KIAA0825: variants seen among roughly 807,000 people sequenced by gnomAD.
KIAA0825 encodes KIAA0825.
In KIAA0825, 119 loss-of-function variants were observed where a neutral mutation model predicts 147.6. The observed-to-expected ratio is 0.81, with a 90% CI of 0.69 to 0.94. The LOEUF (loss-of-function observed/expected upper bound fraction) is 0.94, where lower values mean the gene tolerates loss of function less well. KIAA0825 is among the 40% of genes least tolerant of loss of function. KIAA0825 has a pLI of 0.00. For synonymous variants in KIAA0825, 470 were observed against 518.1 expected (o/e 0.91, Z 1.26); for missense variants, 1,381 against 1,472.7 (o/e 0.94, Z 1.02).
At chr5:94,248,314 T>C in intron 20 of KIAA0825, among the ~76,000 whole-genome samples, 1 of 152,146 alleles carries the variant, frequency 6.6e-6, no homozygotes, top group Non-Finnish European at 1.5e-5. Context: ...AATCTCCTCT[T>C]TGTCCTGATC....
chr5:94,615,688 A>C (rs537923488), intron 1 of KIAA0825: 7 of 152,192 alleles, frequency 4.6e-5, no homozygotes, highest in Admixed American at 2.0e-4. Flanking sequence ...ATGAGTGTGG[A>C]GTGGACACTG....
At chr5:94,509,699 C>G (rs1766212551) in intron 5 of KIAA0825, among the ~76,000 whole-genome samples, 1 of 152,152 alleles carries the variant, frequency 6.6e-6, no homozygotes, top group South Asian at 2.1e-4. Flanking sequence ...TCCATAAGTT[C>G]AAGCAAAGAT....
chr5:94,378,785 T>C (rs1349597374), intron 20 of KIAA0825, among the ~76,000 whole-genome samples: 2 of 152,196 alleles, frequency 1.3e-5, no homozygotes, highest in African/African-American at 4.8e-5. Flanking sequence ...TGACTTTTTA[T>C]TAGTAGCCAT....
intron 12 of KIAA0825, among the ~76,000 whole-genome samples, chr5:94,456,969 T>C (rs1027802155): frequency 2.6e-5 from 4 of 152,310 alleles, no homozygotes; most frequent in South Asian, 4.1e-4. Flanking sequence ...CCATTGGCAA[T>C]ATGGTATTTA....
chr5:94,552,366 A>T (rs2152261462), intron 2 of KIAA0825, among the ~76,000 whole-genome samples: 1 of 152,310 alleles, frequency 6.6e-6, no homozygotes, highest in East Asian at 1.9e-4. Context: ...TCATCTAGAC[A>T]GAAAATCAAC....
chr5:94,286,368 C>G (rs1777664697), intron 20 of KIAA0825, among the ~76,000 whole-genome samples: 1 of 152,026 alleles, frequency 6.6e-6, no homozygotes, highest in Non-Finnish European at 1.5e-5. Flanking sequence ...TTGGCAATCC[C>G]ATACACACTT....
chr5:94,513,741 A>G (rs780937982), intron 5 of KIAA0825, among the ~76,000 whole-genome samples: 1 of 151,920 alleles, frequency 6.6e-6, no homozygotes, highest in Non-Finnish European at 1.5e-5. Flanking sequence ...CACATAAAAT[A>G]CACCCTCCCC....
intron 20 of KIAA0825, among the ~76,000 whole-genome samples, chr5:94,373,807 ATATAAC>A (rs1747112102): frequency 6.6e-6 from 1 of 152,204 alleles, no homozygotes; most frequent in Non-Finnish European, 1.5e-5. Context: ...TTATTATAAT[ATATAAC>A]TATATTTAGA....
chr5:94,527,308 T>G (rs1050470675), intron 3 of KIAA0825, among the ~76,000 whole-genome samples: 1 of 151,896 alleles, frequency 6.6e-6, no homozygotes, highest in Non-Finnish European at 1.5e-5. Flanking sequence ...GATAAGAAAC[T>G]GAAAAACAGA....
At chr5:94,513,523 A>AATG (rs1345715381) in intron 5 of KIAA0825, among the ~76,000 whole-genome samples, 12 of 152,272 alleles carry the variant, frequency 7.9e-5, no homozygotes, top group Middle Eastern at 3.4e-3. Flanking sequence ...ATGGAAGAAA[A>AATG]ATGTGCTAAA....
intron 12 of KIAA0825, among the ~76,000 whole-genome samples, chr5:94,455,827 G>A (rs1030875420): frequency 1.3e-5 from 2 of 152,114 alleles, no homozygotes; most frequent in Non-Finnish European, 2.9e-5. Context: ...GCAAGATCAG[G>A]GGCTTGATCC....
At chr5:94,443,750 C>T (rs1474615856) in intron 13 of KIAA0825, among the ~76,000 whole-genome samples, 1 of 152,118 alleles carries the variant, frequency 6.6e-6, no homozygotes, top group Non-Finnish European at 1.5e-5. Flanking sequence ...AATGTTTAAA[C>T]AAAATCTTAG....
intron 20 of KIAA0825, among the ~76,000 whole-genome samples, chr5:94,188,294 T>C (rs1770344681): frequency 1.3e-5 from 2 of 152,374 alleles, no homozygotes; most frequent in South Asian, 2.1e-4. Context: ...AAAGTGTTGA[T>C]ACTTTGAGGC....
chr5:94,155,582 A>G (rs1250496371), intron 20 of KIAA0825, among the ~76,000 whole-genome samples: 3 of 152,140 alleles, frequency 2.0e-5, no homozygotes, highest in African/African-American at 7.2e-5. Context: ...CAGTCCTGGC[A>G]GTCATATATA....
intron 2 of KIAA0825, among the ~76,000 whole-genome samples, chr5:94,574,809 T>C (rs748303616): frequency 6.6e-6 from 1 of 152,134 alleles, no homozygotes; most frequent in Non-Finnish European, 1.5e-5. Flanking sequence ...ACTGCAGCCT[T>C]GAACTTTTTA....
At chr5:94,541,052 G>A (rs930350771) in intron 2 of KIAA0825, among the ~76,000 whole-genome samples, 2 of 152,226 alleles carry the variant, frequency 1.3e-5, no homozygotes, top group Non-Finnish European at 2.9e-5. Context: ...GATTGTCTGT[G>A]TAAGTTGTGA....
At chr5:94,250,166 T>G (rs924254606) in intron 20 of KIAA0825, among the ~76,000 whole-genome samples, 1 of 152,140 alleles carries the variant, frequency 6.6e-6, no homozygotes, top group Non-Finnish European at 1.5e-5. Context: ...CTCATTCGGC[T>G]GTGATTACTA....
At chr5:94,478,071 C>A (rs1762099781) in intron 6 of KIAA0825, among the ~76,000 whole-genome samples, 2 of 152,162 alleles carry the variant, frequency 1.3e-5, no homozygotes, top group Non-Finnish European at 2.9e-5. Flanking sequence ...CAAAATCTAA[C>A]TGTCTTTATC....
chr5:94,512,864 C>T (rs1339807634), intron 5 of KIAA0825, among the ~76,000 whole-genome samples: 1 of 151,916 alleles, frequency 6.6e-6, no homozygotes, highest in African/African-American at 2.4e-5. Context: ...TCACTGCACT[C>T]CAGCCTGAGC....
Sources: gnomAD v4.1 joint callset for allele counts (sites outside exome capture counted in the v4.1 genomes callset) on GRCh38, gnomAD v4.1.1 for gene constraint, MANE v1.5 for transcripts, NCBI Gene and HGNC (gene_info 2026-07-23, HGNC 2026-07-21) for gene names.